Variants in USP47 observed in about 807,000 individuals in gnomAD.
The protein encoded by USP47 is ubiquitin carboxyl-terminal hydrolase 47.
Under a neutral mutation model 165.1 loss-of-function variants are expected in USP47, and 35 were observed. The observed-to-expected ratio is 0.21, with a 90% CI of 0.16 to 0.28. USP47 has a LOEUF of 0.28. USP47 is among the 10% of genes least tolerant of loss of function. USP47 has a pLI of 1.00. For missense variants in USP47, 1,277 were observed against 1,607.4 expected, an observed-to-expected ratio of 0.79 and a Z score of 3.52; for synonymous variants, 531 against 544.5, an observed-to-expected ratio of 0.98 and a Z score of 0.35.
In USP47 at chr11:11,920,219, G is replaced by A. The variant is rs747984637; in HGVS notation, c.1033G>A (p.Glu345Lys). ...GGATGGCCCAAATCAGTATTTTTGTGAACGTTGTAAGAAGAAGTGTGATGC... is the reference window on the plus strand; with the variant it reads ...GGATGGCCCAAATCAGTATTTTTGTAAACGTTGTAAGAAGAAGTGTGATGC... ...ILDGPNQYFC[E>K]RCKKKCDARK... Residue 345 changes from glutamate to lysine, a missense_variant, in exon 9 of 28, where the codon GAA becomes AAA. Physicochemically the swap from Glu to Lys is moderately conservative, Grantham distance 56. Transcript: ENST00000527733. 6.2e-7 allele frequency: 1 copy of A among 1,609,228 alleles called. No homozygotes were observed. The highest frequency in any genetic ancestry group is 8.5e-7 in the Non-Finnish European group (1 of 1,177,382).
At chr11:11,938,197 C>A in intron 17 of USP47, 60 bp from the exon 18 acceptor site, 1 of 1,428,772 alleles carries the variant, frequency 7.0e-7, no homozygotes, top group Non-Finnish European at 9.8e-7. Context: ...ATGCATTACT[C>A]ATGTGAAATA....
intron 3 of USP47, among the ~76,000 whole-genome samples, chr11:11,889,835 A>G (rs566587568): frequency 6.6e-6 from 1 of 152,316 alleles, no homozygotes; most frequent in South Asian, 2.1e-4. Flanking sequence ...TCAAAACATC[A>G]TACTGCTGGT....
intron 16 of USP47, among the ~76,000 whole-genome samples, chr11:11,935,543 A>T (rs993367409): frequency 6.6e-6 from 1 of 151,814 alleles, no homozygotes; most frequent in African/African-American, 2.4e-5. Context: ...ATTGTTGGGG[A>T]TGGGGGTTGG....
intron 4 of USP47, among the ~76,000 whole-genome samples, chr11:11,893,473 G>A (rs1046476998): frequency 3.4e-4 from 52 of 152,130 alleles, no homozygotes; most frequent in African/African-American, 1.2e-3. Flanking sequence ...GTCTTGCTTT[G>A]TCACCCAGGC....
At position 11,956,411 on chromosome 11, in the gene USP47, A is replaced by T. The variant is rs904618075; in HGVS notation, c.*236A>T. 1 of 349,772 alleles carries T rather than the reference A, an allele frequency of 2.9e-6. No homozygotes were observed. The highest frequency in any genetic ancestry group is 2.1e-5 in the African/African-American group (1 of 47,524). The allele number at this position is 349,772 out of a possible 1,614,324, so 21.7% of individuals were successfully genotyped here. On this transcript the variant is annotated 3_prime_UTR_variant, in exon 28 of 28. Transcript: ENST00000527733. ...TAAAGTGAAAAGGGATGTGCAAAAA[A>T]ATAAAAAAAAACAACAAAAAAAGCT...
intron 1 of USP47, among the ~76,000 whole-genome samples, chr11:11,864,749 TATA>T (rs1849577065): frequency 6.8e-6 from 1 of 146,342 alleles, no homozygotes; most frequent in Admixed American, 7.7e-5. Flanking sequence ...CATTATAGAA[TATA>T]ATCTTATTTT....
At chr11:11,932,959 C>A in intron 14 of USP47, 45 bp from the exon 15 acceptor site, 1 of 1,467,874 alleles carries the variant, frequency 6.8e-7, no homozygotes, top group Non-Finnish European at 9.5e-7. Context: ...ATAAAGGCAG[C>A]TCAGTTTCAG....
At chr11:11,878,386 C>G (rs1424668430) in intron 1 of USP47, among the ~76,000 whole-genome samples, 2 of 152,096 alleles carry the variant, frequency 1.3e-5, no homozygotes, top group African/African-American at 4.8e-5. Flanking sequence ...CTGAAGTATA[C>G]TATTGAATCT....
intron 11 of USP47, among the ~76,000 whole-genome samples, chr11:11,927,336 A>G (rs1159976873): frequency 1.3e-5 from 2 of 151,794 alleles, no homozygotes; most frequent in African/African-American, 4.8e-5. Context: ...ATGGGTATTT[A>G]TTCTATTTGG....
In USP47 at chr11:11,958,993, T is replaced by C. The variant is rs180924672; in HGVS notation, c.*2818T>C. ...TGCCAGGCCACAGTTAGGAATTGTATTGTGATACATCTAGAGGCCAAGAGA... is the reference window on the plus strand; with the variant it reads ...TGCCAGGCCACAGTTAGGAATTGTACTGTGATACATCTAGAGGCCAAGAGA... On this transcript the variant is annotated 3_prime_UTR_variant, in exon 28 of 28. Transcript: ENST00000527733. The C allele has an allele frequency of 7.9e-5, 12 of 152,316 alleles. No individual in the cohort carries two copies. The highest frequency in any genetic ancestry group is 1.3e-4 in the Admixed American group (2 of 15,304). 9.4% of individuals were successfully genotyped at this position (152,316 alleles called of 1,614,324 possible). A position where few individuals can be genotyped will look rare whatever the true frequency, so the allele number is the denominator to read the frequency against.
intron 14 of USP47, among the ~76,000 whole-genome samples, chr11:11,932,108 G>A (rs1016574048): frequency 2.0e-5 from 3 of 152,156 alleles, no homozygotes; most frequent in Admixed American, 6.5e-5. Context: ...GCCTCAGGGA[G>A]CTTTCAGTCA....
At position 11,920,325 on chromosome 11, in the gene USP47, T is replaced by C; in HGVS notation, c.1066-17T>C. The C allele has an allele frequency of 6.2e-7, 1 of 1,606,528 alleles. No individual in the cohort carries two copies. Among genetic ancestry groups the C allele is most frequent in the Non-Finnish European group, 8.5e-7 (1 of 1,177,010 alleles). ...ATATTCAATAGACTCTCCCCCTTTT[T>C]GTTGTTTGTTTTTTAGGGCCTTCGG... On this transcript the variant is annotated splice_polypyrimidine_tract_variant and intron_variant, in intron 9 of 27. Coordinates refer to ENST00000527733, the MANE Select transcript of USP47 (RefSeq NM_001282659.2).
intron 1 of USP47, among the ~76,000 whole-genome samples, chr11:11,858,519 C>G (rs1305917601): frequency 6.6e-6 from 1 of 152,150 alleles, no homozygotes; most frequent in African/African-American, 2.4e-5. Flanking sequence ...GAAAAGTTCT[C>G]TGTTGTCTCT....
chr11:11,892,083 C>G lies in USP47; in HGVS notation c.473C>G (p.Ser158Cys). The change falls in exon 4 of 28, where the codon TCT becomes TGT. Residue 158 changes from serine (S) to cysteine (C), a missense_variant. Physicochemically the swap from Ser to Cys is moderately radical, Grantham distance 112. Transcript: ENST00000527733. ...DYVSQSYSYS[S>C]ILNKSETGYV... ...GTCAGCCAAAGCTACTCCTACTCAT[C>G]TATTTTGAATAAATCAGAAACTGGT... The G allele has an allele frequency of 1.2e-6, 2 of 1,613,414 alleles. No homozygotes were observed. The highest frequency in any genetic ancestry group is 1.7e-6 in the Non-Finnish European group (2 of 1,179,732).
Position 11,958,844 on chromosome 11 carries a change from G to A in USP47, c.*2669G>A, listed in dbSNP as rs1352504689. 1 of 152,238 alleles carries A rather than the reference G, an allele frequency of 6.6e-6. No homozygotes were observed. Among genetic ancestry groups the A allele is most frequent in the African/African-American group, 2.4e-5 (1 of 41,440 alleles). 9.4% of individuals were successfully genotyped at this position (152,238 alleles called of 1,614,324 possible). On this transcript the variant is annotated 3_prime_UTR_variant, in exon 28 of 28. Coordinates refer to ENST00000527733, the MANE Select transcript of USP47 (RefSeq NM_001282659.2). ...ATGATAGATAAGAACAGTGTGTGAA[G>A]CAGCCTTCACACTAGAGTGTTTGGT... is the stretch of plus-strand genomic sequence containing the variant.
chr11:11,905,504 T>C lies in USP47; in HGVS notation c.925T>C (p.Leu309=), dbSNP rs776563601. ...AATCGACACATATCTTGATATTCCA[T>C]TGGTCATCCGACCTTATGGGTCCAG... ...WRIDTYLDIP[L]VIRPYGSSQA... is the part of the protein sequence containing the mutation. The change falls in exon 8 of 28, where the codon TTG becomes CTG. Residue 309 remains leucine (L), a synonymous_variant. Coordinates refer to ENST00000527733, the MANE Select transcript of USP47 (RefSeq NM_001282659.2). 1.9e-6 allele frequency: 3 copies of C among 1,609,630 alleles called. No individual in the cohort carries two copies. Among genetic ancestry groups the C allele is most frequent in the African/African-American group, 1.3e-5 (1 of 74,832 alleles).
chr11:11,921,739 C>T (rs1398060047), intron 10 of USP47, among the ~76,000 whole-genome samples: 1 of 151,754 alleles, frequency 6.6e-6, no homozygotes, highest in Non-Finnish European at 1.5e-5. Flanking sequence ...AGAAGGAAAA[C>T]TTATATATGA....
Position 11,922,852 on chromosome 11 carries a change from T to C in USP47, c.1347T>C (p.Asn449=), listed in dbSNP as rs1853934815. 5 of 1,610,592 alleles carry C rather than the reference T, an allele frequency of 3.1e-6. No homozygotes were observed. The highest frequency in any genetic ancestry group is 3.4e-6 in the Non-Finnish European group (4 of 1,177,968). ...GVDEGICLET[N]SGTEKISKSG... ...ATGAAGGAATCTGTCTTGAAACCAA[T>C]AGTGGAACTGAAAAGATCTCAAAAT... The change falls in exon 11 of 28, where the codon AAT becomes AAC. Residue 449 remains asparagine, a synonymous_variant. Transcript: ENST00000527733.
chr11:11,932,865 T>A (rs1314737403), intron 14 of USP47, 139 bp from the exon 15 acceptor site: 6 of 621,990 alleles, frequency 9.6e-6, no homozygotes, highest in Admixed American at 3.2e-5. Flanking sequence ...GTATTCCAAG[T>A]TGAGAGAAGG....
Sources: allele counts gnomAD v4.1 joint callset (sites outside exome capture counted in the v4.1 genomes callset), GRCh38; gene constraint gnomAD v4.1.1; transcripts MANE v1.5; gene names NCBI Gene and HGNC (gene_info 2026-07-23, HGNC 2026-07-21).